WDR59: variants seen among roughly 807,000 people sequenced by gnomAD.
WDR59 encodes WD repeat domain 59.
In WDR59, 100 loss-of-function variants were observed where a neutral mutation model predicts 131.2. That is an observed-to-expected ratio of 0.76 (90% CI 0.65 to 0.90). WDR59 has a LOEUF of 0.90. Ranked by LOEUF, WDR59 falls within the 40% of genes least tolerant of loss-of-function variation. WDR59 has a pLI of 0.00. For synonymous variants in WDR59, 601 were observed against 466.2 expected (o/e 1.29, Z -3.72); for missense variants, 1,203 against 1,262.2 (o/e 0.95, Z 0.71).
At chr16:74,905,988 C>T (rs151242599) in intron 17 of WDR59, among the ~76,000 whole-genome samples, 8 of 152,064 alleles carry the variant, frequency 5.3e-5, no homozygotes, top group African/African-American at 1.4e-4. Context: ...TGCTCGACAT[C>T]ATTCATCATC....
intron 17 of WDR59, among the ~76,000 whole-genome samples, chr16:74,906,313 C>CAAAAAAAAAAAAAAAAAAAAAAAAAAA (rs762288713): frequency 1.5e-4 from 5 of 32,460 alleles, no homozygotes; most frequent in Admixed American, 6.0e-4. Flanking sequence ...GACTCCGTCT[C>CAAAAAAAAAAAAAAAAAAAAAAAAAAA]AAAAAAAAAA....
chr16:74,979,642 G>A (rs914460913), intron 1 of WDR59, among the ~76,000 whole-genome samples: 2 of 151,296 alleles, frequency 1.3e-5, no homozygotes, highest in Non-Finnish European at 2.9e-5. Flanking sequence ...CTGGGTTCAA[G>A]CGATTCTTCT....
In WDR59 at chr16:74,909,705, C is replaced by G. The variant is rs1208074419; in HGVS notation, c.1486-48G>C. On this transcript the variant is annotated intron_variant, in intron 15 of 25. Transcript: ENST00000262144. ...CTAAAAACCACAACCTGTCTTAAAG[C>G]TGAACTACAAAATAAAGACCCAGTA... 4 of 1,553,208 alleles carry G rather than the reference C, an allele frequency of 2.6e-6. No homozygotes were observed. The African/African-American group carries it at 5.5e-5, about 21-fold the overall frequency.
At chr16:74,908,851 C>T (rs1965942310) in intron 17 of WDR59, 57 bp downstream of exon 17, 1 of 1,502,698 alleles carries the variant, frequency 6.7e-7, no homozygotes, top group African/African-American at 1.4e-5. Context: ...CTTCCCAGGT[C>T]TCTGGCCACT....
rs201897171 is a variant in WDR59, at chr16:74,922,007, G to C, written c.826C>G (p.His276Asp). 2.9e-5 allele frequency: 47 copies of C among 1,614,062 alleles called. No homozygotes were observed. Among genetic ancestry groups the C allele is most frequent in the Non-Finnish European group, 3.8e-5 (45 of 1,180,044 alleles). The stretch of plus-strand genomic sequence containing the variant: ...ACATCATCATGCCCCACGAAGGTGT[G>C]GACTGGGGTGTTCAAGTCAAAGACA... ...WNVFDLNTPV[H>D]TFVGHDDVVL... The change falls in exon 10 of 26, where the codon CAC (histidine) becomes GAC (aspartate). Residue 276 changes from histidine (H) to aspartate (D), a missense_variant. His to Asp is a moderately conservative substitution (Grantham distance 81). Transcript: ENST00000262144.
rs754040554 is a variant in WDR59 at position 74,893,667 on chromosome 16, T to A, written c.2000+12A>T. The A allele has an allele frequency of 5.6e-6, 9 of 1,612,544 alleles. No homozygotes were observed. The African/African-American group carries it at 8.0e-5, about 14-fold the overall frequency. On this transcript the variant is annotated intron_variant, in intron 19 of 25. Coordinates refer to ENST00000262144, the MANE Select transcript of WDR59 (RefSeq NM_030581.4). ...AATGATGAGTGCAGCAGACTTGAAA[T>A]TTTGTACTTACATGTACAGCTCTCC...
At chr16:74,924,242 G>A (rs183299798) in intron 8 of WDR59, among the ~76,000 whole-genome samples, 1 of 152,292 alleles carries the variant, frequency 6.6e-6, no homozygotes, top group Admixed American at 6.5e-5. Context: ...AACGCGGCAG[G>A]TCACTGTCAA....
chr16:74,953,410 C>G (rs1380485448), intron 3 of WDR59, among the ~76,000 whole-genome samples: 1 of 149,612 alleles, frequency 6.7e-6, no homozygotes, highest in Non-Finnish European at 1.5e-5. Flanking sequence ...GAAGCAGAGG[C>G]TGCAATGAAC....
intron 1 of WDR59, among the ~76,000 whole-genome samples, chr16:74,982,666 C>G (rs1415999514): frequency 1.3e-5 from 2 of 152,154 alleles, no homozygotes; most frequent in African/African-American, 4.8e-5. Context: ...AGAAAGAAAA[C>G]AGGAATATGG....
rs565980704 is a variant in WDR59 at position 74,971,497 on chromosome 16, A to G, written c.55-5675T>C. Among the ~76,000 whole-genome samples the G allele has an allele frequency of 2.9e-5, 4 of 138,066 alleles. No individual in the cohort carries two copies. In the East Asian group the frequency reaches 8.6e-4, roughly 30 times the overall value. The allele number at this position is 138,066 out of a possible 152,430, so 90.6% of individuals were successfully genotyped here. A position where few individuals can be genotyped will look rare whatever the true frequency, so the allele number is the denominator to read the frequency against. ...ACCCAGGCTGGAGTGCAGTGGCGCAATCTCGGCTCACTGCAACCTCTGCCT... is the reference window on the plus strand; with the variant it reads ...ACCCAGGCTGGAGTGCAGTGGCGCAGTCTCGGCTCACTGCAACCTCTGCCT... On this transcript the variant is annotated intron_variant, in intron 1 of 25. Coordinates refer to ENST00000262144, the MANE Select transcript of WDR59 (RefSeq NM_030581.4).
chr16:74,887,213 T>A (rs893239788), intron 23 of WDR59, among the ~76,000 whole-genome samples: 1 of 152,196 alleles, frequency 6.6e-6, no homozygotes, highest in Non-Finnish European at 1.5e-5. Flanking sequence ...CTACTTTTGA[T>A]ATCAGGAAAA....
intron 25 of WDR59, among the ~76,000 whole-genome samples, chr16:74,884,758 G>C (rs922982801): frequency 2.0e-5 from 3 of 152,082 alleles, no homozygotes; most frequent in African/African-American, 7.2e-5. Context: ...ACCACACCAC[G>C]CCACCTTCCT....
chr16:74,945,687 T>C (rs2032575689), intron 6 of WDR59, among the ~76,000 whole-genome samples: 1 of 151,970 alleles, frequency 6.6e-6, no homozygotes, highest in African/African-American at 2.4e-5. Context: ...AGGGGTTTGA[T>C]TCATCTATCC....
At position 74,886,377 on chromosome 16, in the gene WDR59, G is replaced by T. The variant is rs1355584846; in HGVS notation, c.2439C>A (p.His813Gln). 4.3e-6 allele frequency: 7 copies of T among 1,613,442 alleles called. No homozygotes were observed. The highest frequency in any genetic ancestry group is 5.9e-6 in the Non-Finnish European group (7 of 1,179,912). The change falls in exon 24 of 26, where the codon CAC becomes CAA. Residue 813 changes from histidine to glutamine, a missense_variant. Physicochemically the swap from His to Gln is conservative, Grantham distance 24. Transcript: ENST00000262144. Reference sequence around the variant, plus strand: ...AGGATTCTCCCCAAGGGGAGGACAAGTGCTCTGCCTCTCTTCCCGCTGAAG... The same window carrying T: ...AGGATTCTCCCCAAGGGGAGGACAATTGCTCTGCCTCTCTTCCCGCTGAAG... ...GWNIAGREAE[H>Q]LSSPWGESSP...
At chr16:74,888,993 A>G (rs1008098562) in intron 21 of WDR59, among the ~76,000 whole-genome samples, 12 of 152,240 alleles carry the variant, frequency 7.9e-5, no homozygotes, top group African/African-American at 2.9e-4. Flanking sequence ...TTGTGTTTTC[A>G]CACTCACTAT....
chr16:74,912,056 A>G (rs1966119995), intron 14 of WDR59, 142 bp downstream of exon 14: 2 of 1,129,800 alleles, frequency 1.8e-6, no homozygotes, highest in East Asian at 2.4e-5. Context: ...TGGCAAGTTC[A>G]GAGGTTACGT....
intron 6 of WDR59, among the ~76,000 whole-genome samples, chr16:74,943,684 C>T (rs760052787): frequency 6.6e-6 from 1 of 152,186 alleles, no homozygotes; most frequent in Non-Finnish European, 1.5e-5. Flanking sequence ...GCACACATGA[C>T]ATTACTGCTG....
intron 1 of WDR59, among the ~76,000 whole-genome samples, chr16:74,981,076 C>T (rs1004703154): frequency 6.6e-6 from 1 of 151,128 alleles, no homozygotes; most frequent in East Asian, 2.0e-4. Flanking sequence ...AAAAAAAACA[C>T]ACAAAAAGGC....
intron 8 of WDR59, among the ~76,000 whole-genome samples, chr16:74,926,455 G>A (rs1160238546): frequency 6.6e-6 from 1 of 152,194 alleles, no homozygotes; most frequent in Non-Finnish European, 1.5e-5. Context: ...CCCAAAGTGA[G>A]GATGGCCAAC....
Sources: gnomAD v4.1 joint callset for allele counts (sites outside exome capture counted in the v4.1 genomes callset) on GRCh38, gnomAD v4.1.1 for gene constraint, MANE v1.5 for transcripts, NCBI Gene and HGNC (gene_info 2026-07-23, HGNC 2026-07-21) for gene names.